Variants in SUSD4 observed in about 807,000 individuals in gnomAD.
SUSD4 encodes sushi domain containing 4, also known as sushi domain-containing protein 4.
SUSD4 carries 41 observed loss-of-function variants against 50.5 expected under a neutral mutation model. The ratio of observed to expected loss-of-function variants is 0.81; its 90% CI spans 0.63 to 1.05. The LOEUF (loss-of-function observed/expected upper bound fraction) is 1.05, where lower values mean the gene tolerates loss of function less well. Among genes scored for constraint, SUSD4 ranks in the 50% least tolerant of loss-of-function variants. The probability of loss-of-function intolerance (pLI) is 0.00; values close to 1 mark genes in which losing one functional copy is unlikely to be tolerated. For synonymous variants in SUSD4, 257 were observed against 257.3 expected (o/e 1.00, Z 0.01); for missense variants, 580 against 634.7 (o/e 0.91, Z 0.93).
chr1:223,292,383 G>A, intron 3 of SUSD4, 56 bp downstream of exon 3: 1 of 1,593,616 alleles, frequency 6.3e-7, no homozygotes, highest in Non-Finnish European at 8.6e-7. Flanking sequence ...CTGCACCCCT[G>A]TGGCCATGCA....
chr1:223,299,827 G>C (rs149968885), intron 2 of SUSD4, among the ~76,000 whole-genome samples: 1 of 152,224 alleles, frequency 6.6e-6, no homozygotes, highest in African/African-American at 2.4e-5. Context: ...CTTTGGACTT[G>C]AGCAGACAGG....
intron 2 of SUSD4, among the ~76,000 whole-genome samples, chr1:223,303,240 ATC>A (rs1311303217): frequency 6.6e-6 from 1 of 152,200 alleles, no homozygotes; most frequent in East Asian, 1.9e-4. Context: ...AGCCTAAACA[ATC>A]TCTGTTTGGG....
Position 223,220,851 on chromosome 1 carries a change from A to T in SUSD4, c.*1341T>A, listed in dbSNP as rs1006216587. The stretch of plus-strand genomic sequence containing the variant: ...TGTCATTTTCTTTTAATTTTTAATC[A>T]GTCTGTGTCAAGAAGAAACAGGACT... On this transcript the variant is annotated 3_prime_UTR_variant, in exon 9 of 9. Coordinates refer to ENST00000366878, the MANE Select transcript of SUSD4 (RefSeq NM_017982.4). The T allele has an allele frequency of 1.3e-5, 5 of 395,254 alleles. No individual in the cohort carries two copies. The highest frequency in any genetic ancestry group is 2.1e-5 in the African/African-American group (1 of 48,614). The allele number at this position is 395,254 out of a possible 1,614,324, so 24.5% of individuals were successfully genotyped here. A position where few individuals can be genotyped will look rare whatever the true frequency, so the allele number is the denominator to read the frequency against.
At position 223,231,948 on chromosome 1, in the gene SUSD4, A is replaced by G. The variant is rs113861418; in HGVS notation, c.725-2560T>C. The stretch of plus-strand genomic sequence containing the variant: ...TCCATTGACAGATGAATGGATAAAG[A>G]AAATATAGGCAATATACACCACAGA... On this transcript the variant is annotated intron_variant, in intron 5 of 8. Transcript: ENST00000366878. This position sits in a 1 kb window ranked among gnomAD's most constrained non-coding sequence, Gnocchi z 4.2. 0.013 allele frequency among the ~76,000 whole-genome samples: 1,991 copies of G among 152,350 alleles called. 41 individuals are homozygous for G. The highest frequency in any genetic ancestry group is 0.044 in the African/African-American group (1,848 of 41,572).
At position 223,223,603 on chromosome 1, in the gene SUSD4, G is replaced by C. The variant is rs1244466125; in HGVS notation, c.1090C>G (p.Pro364Ala). ...ACGCCGTCTACCACCACAAAGTCAG[G>C]GTCACTGCTGGAACTCCGGGGAGGC... Reference protein sequence around the residue: ...RGPPRSSSSDPDFVVVDGVPV... With the variant: ...RGPPRSSSSDADFVVVDGVPV... The change falls in exon 8 of 9, where the codon CCT (proline) becomes GCT (alanine). Residue 364 changes from proline to alanine, a missense_variant. Pro to Ala is a conservative substitution (Grantham distance 27, BLOSUM62 -1). Transcript: ENST00000366878. 1.2e-6 allele frequency: 2 copies of C among 1,610,570 alleles called. No homozygotes were observed. The highest frequency in any genetic ancestry group is 1.7e-6 in the Non-Finnish European group (2 of 1,177,894).
At chr1:223,328,270 T>A (rs1666988026) in intron 2 of SUSD4, among the ~76,000 whole-genome samples, 1 of 152,186 alleles carries the variant, frequency 6.6e-6, no homozygotes, top group Non-Finnish European at 1.5e-5. Flanking sequence ...TCCTTCCTAT[T>A]CGGTCCTTAC....
At chr1:223,282,469 T>A (rs1321853174) in intron 3 of SUSD4, among the ~76,000 whole-genome samples, 1 of 152,168 alleles carries the variant, frequency 6.6e-6, no homozygotes, top group East Asian at 1.9e-4. Context: ...AGCCATATCA[T>A]GAGTGAACTC....
intron 3 of SUSD4, 74 bp from the exon 4 acceptor site, chr1:223,268,749 C>G: frequency 1.3e-6 from 2 of 1,487,148 alleles, no homozygotes; most frequent in Non-Finnish European, 9.1e-7. Flanking sequence ...CACGAGAAAG[C>G]TCTTATTTTC....
chr1:223,292,500 C>T lies in SUSD4; in HGVS notation c.300G>A (p.Leu100=). The T allele has an allele frequency of 6.2e-7, 1 of 1,614,204 alleles. No individual in the cohort carries two copies. Among genetic ancestry groups the T allele is most frequent in the African/African-American group, 1.3e-5 (1 of 75,056 alleles). The stretch of plus-strand genomic sequence containing the variant: ...AGCCTAGGGTTCCATTAAAATGCTT[C>T]AAACACAGTCTCTTTGTAGCGCCCT... ...KLKGATKRLC[L]KHFNGTLGWI... The change falls in exon 3 of 9, where the codon TTG becomes TTA. Residue 100 remains leucine, a synonymous_variant. Coordinates refer to ENST00000366878, the MANE Select transcript of SUSD4 (RefSeq NM_017982.4).
At chr1:223,259,239 T>C (rs1242903091) in intron 5 of SUSD4, among the ~76,000 whole-genome samples, 1 of 152,210 alleles carries the variant, frequency 6.6e-6, no homozygotes, top group Non-Finnish European at 1.5e-5. Flanking sequence ...GACACTGATT[T>C]TGGTTTCTTT....
chr1:223,365,182 A>T (rs1317350854), upstream of SUSD4, among the ~76,000 whole-genome samples: 1 of 151,908 alleles, frequency 6.6e-6, no homozygotes, highest in African/African-American at 2.4e-5. Flanking sequence ...AAGTGGAGAG[A>T]GTTGGCCTGG....
chr1:223,222,193 TA>T lies in SUSD4; in HGVS notation c.1471del (p.Ter491AsnfsTer22). ...DEIPLMEEDP* is the reference protein window; with the variant it reads ...DEIPLMEEDPX ...GAGTCATCTGGATCTTGACCCATAT[TA>T]GGGATCTTCTTCCATTAGAGGAATC... is the stretch of plus-strand genomic sequence containing the variant. On this transcript the variant is annotated frameshift_variant and stop_lost, in exon 9 of 9. Transcript: ENST00000366878. LOFTEE classifies it high-confidence loss of function. 1 of 1,613,734 alleles carries T rather than the reference TA, an allele frequency of 6.2e-7. No individual in the cohort carries two copies. The highest frequency in any genetic ancestry group is 8.5e-7 in the Non-Finnish European group (1 of 1,179,830).
rs141716617 is a variant in SUSD4, at chr1:223,229,290, C to A, written c.823G>T (p.Asp275Tyr). Reference sequence around the variant, plus strand: ...TCGCTGGTGAGGCTGTAGCCAGGATCGCAGTAAAACTCCACCACAGTTCCG... The same window carrying A: ...TCGCTGGTGAGGCTGTAGCCAGGATAGCAGTAAAACTCCACCACAGTTCCG... ...NHGTVVEFYC[D>Y]PGYSLTSDYK... The change falls in exon 6 of 9, where the codon GAT becomes TAT. Residue 275 changes from aspartate to tyrosine, a missense_variant. By Grantham distance (160) the Asp-to-Tyr change is radical (BLOSUM62 -3). Transcript: ENST00000366878. The surrounding 1 kb of genome is among the most constrained non-coding windows in gnomAD (Gnocchi z 4.7). 8 of 1,613,362 alleles carry A rather than the reference C, an allele frequency of 5.0e-6. No individual in the cohort carries two copies. The highest frequency in any genetic ancestry group is 6.8e-6 in the Non-Finnish European group (8 of 1,179,434).
chr1:223,312,459 T>C (rs183989002), intron 2 of SUSD4, among the ~76,000 whole-genome samples: 2 of 152,102 alleles, frequency 1.3e-5, no homozygotes, highest in African/African-American at 4.8e-5. Context: ...TCCTGGCTGC[T>C]AGGCAGGCTC....
At chr1:223,277,009 C>T (rs915869567) in intron 3 of SUSD4, among the ~76,000 whole-genome samples, 1 of 152,168 alleles carries the variant, frequency 6.6e-6, no homozygotes, top group African/African-American at 2.4e-5. Flanking sequence ...TAACTGGAAA[C>T]ATGAGTATGA....
Position 223,264,694 on chromosome 1 carries a change from C to T in SUSD4, c.660G>A (p.Ala220=), listed in dbSNP as rs144241025. The change falls in exon 5 of 9, where the codon GCG becomes GCA. Residue 220 remains alanine (A), a synonymous_variant. Transcript: ENST00000366878. The part of the protein sequence containing the change: ...CFPGFKLDGS[A]YLECLQNLIW... ...TAAGGTTTTGTAAGCACTCAAGATA[C>T]GCAGACCCATCAAGTTTAAATCCGG... The T allele has an allele frequency of 2.2e-5, 35 of 1,614,068 alleles. No individual in the cohort carries two copies. Among genetic ancestry groups the T allele is most frequent in the African/African-American group, 5.3e-5 (4 of 74,916 alleles).
At chr1:223,273,102 T>C (rs1304016119) in intron 3 of SUSD4, among the ~76,000 whole-genome samples, 2 of 152,158 alleles carry the variant, frequency 1.3e-5, no homozygotes, top group Non-Finnish European at 2.9e-5. Context: ...AACAATTTAA[T>C]TATGTATGGG....
Position 223,229,506 on chromosome 1 carries a change from C to G in SUSD4, c.725-118G>C. The G allele has an allele frequency of 5.2e-6, 5 of 963,836 alleles. No homozygotes were observed. 59.7% of individuals were successfully genotyped at this position (963,836 alleles called of 1,614,324 possible). ...TAAAAATGTGCTTATGGATTAATCA[C>G]CAGGCTACTGAGTTGCATTAGAGAT... On this transcript the variant is annotated intron_variant, in intron 5 of 8. Coordinates refer to ENST00000366878, the MANE Select transcript of SUSD4 (RefSeq NM_017982.4). The surrounding 1 kb of genome is among the most constrained non-coding windows in gnomAD (Gnocchi z 4.7).
chr1:223,233,582 A>G (rs540617698), intron 5 of SUSD4, among the ~76,000 whole-genome samples: 2 of 152,292 alleles, frequency 1.3e-5, no homozygotes, highest in South Asian at 4.2e-4. Flanking sequence ...TCCCACACCC[A>G]GAGGCCTCAG....
Sources: allele counts gnomAD v4.1 joint callset (sites outside exome capture counted in the v4.1 genomes callset), GRCh38; gene constraint gnomAD v4.1.1; non-coding constraint Gnocchi (gnomAD v3.1); transcripts MANE v1.5; gene names NCBI Gene and HGNC (gene_info 2026-07-23, HGNC 2026-07-21).